Variants in EPB41L3 observed in about 807,000 individuals in gnomAD.
EPB41L3 encodes band 4.1-like protein 3.
Under a neutral mutation model 127.1 loss-of-function variants are expected in EPB41L3, and 57 were observed. The observed-to-expected ratio is 0.45, with a 90% confidence interval of 0.36 to 0.56. The LOEUF is 0.56. Ranked by LOEUF, EPB41L3 falls within the 20% of genes least tolerant of loss-of-function variation. The pLI, the probability that EPB41L3 is intolerant of heterozygous loss-of-function variation, is 0.00. For synonymous variants in EPB41L3, 572 were observed against 549.5 expected, an observed-to-expected ratio of 1.04 and a Z score of -0.57; for missense variants, 1,273 against 1,372.2, an observed-to-expected ratio of 0.93 and a Z score of 1.14.
chr18:5,529,182 T>C (rs935357025), intron 1 of EPB41L3, among the ~76,000 whole-genome samples: 4 of 152,210 alleles, frequency 2.6e-5, no homozygotes, highest in African/African-American at 9.7e-5. Flanking sequence ...GTTTAGTGCT[T>C]TAAGCTGAGC....
upstream of EPB41L3, among the ~76,000 whole-genome samples, chr18:5,545,193 C>T (rs924631899): frequency 6.6e-6 from 1 of 152,172 alleles, no homozygotes; most frequent in Non-Finnish European, 1.5e-5. Flanking sequence ...AGATCCCTTT[C>T]ATGTTGTACG....
At chr18:5,479,641 T>G (rs1163249420) in intron 2 of EPB41L3, 2 of 152,110 alleles carry the variant, frequency 1.3e-5, no homozygotes, top group East Asian at 3.9e-4. Context: ...CAAGGCAAAG[T>G]CTTGAGAACT....
intron 3 of EPB41L3, among the ~76,000 whole-genome samples, chr18:5,609,594 C>G (rs1364982934): frequency 1.3e-5 from 2 of 152,110 alleles, no homozygotes; most frequent in Non-Finnish European, 2.9e-5. Context: ...CTACTAAGGA[C>G]TAATTGAGCA....
In EPB41L3 at chr18:5,406,875, C is replaced by T. The variant is rs140941017; in HGVS notation, c.2251G>A (p.Val751Ile). Residue 751 changes from valine to isoleucine, a missense_variant, in exon 16 of 23, where the codon GTA becomes ATA. By Grantham distance (29) the Val-to-Ile change is conservative. Around this residue, in one of 3 missense-constraint regions of EPB41L3, gnomAD observed 765 missense variants for 782.9 expected, o/e 0.98. Coordinates refer to ENST00000341928, the MANE Select transcript of EPB41L3 (RefSeq NM_012307.5). The part of the protein sequence containing the change: ...TFLETSTDTA[V>I]TNEWEKRLST... ...AGCCTCTTCTCCCATTCATTCGTTA[C>T]GGCAGTGTCTGTTGAGGTTTCTAAG... 5.3e-5 allele frequency: 85 copies of T among 1,614,064 alleles called. No individual in the cohort carries two copies. Among genetic ancestry groups the T allele is most frequent in the South Asian group, 3.0e-4 (27 of 91,082 alleles).
At chr18:5,523,655 C>T (rs2148841181) in intron 1 of EPB41L3, among the ~76,000 whole-genome samples, 1 of 152,152 alleles carries the variant, frequency 6.6e-6, no homozygotes, top group East Asian at 1.9e-4. Flanking sequence ...CATGGTGGCA[C>T]ATACCTGTAA....
intron 3 of EPB41L3, among the ~76,000 whole-genome samples, chr18:5,573,303 C>T (rs1249911808): frequency 6.6e-6 from 1 of 152,156 alleles, no homozygotes; most frequent in Non-Finnish European, 1.5e-5. Context: ...ATATTTTCTA[C>T]CCACAGAAGT....
chr18:5,565,057 G>A (rs1009413099), intron 3 of EPB41L3, among the ~76,000 whole-genome samples: 1 of 152,130 alleles, frequency 6.6e-6, no homozygotes, highest in African/African-American at 2.4e-5. Flanking sequence ...GGAGCACACA[G>A]CTTCTCTCAA....
intron 1 of EPB41L3, among the ~76,000 whole-genome samples, chr18:5,619,610 G>T (rs2094837655): frequency 6.6e-6 from 1 of 152,118 alleles, no homozygotes; most frequent in South Asian, 2.1e-4. Flanking sequence ...AGGTCTAGTG[G>T]ACTTTTATCT....
chr18:5,433,696 A>G, intron 7 of EPB41L3, 140 bp from the exon 8 acceptor site: 1 of 902,146 alleles, frequency 1.1e-6, no homozygotes. Flanking sequence ...TAACAAGAAA[A>G]AGGGCTTTGC....
Position 5,443,750 on chromosome 18 carries a change from T to C in EPB41L3, c.529+88A>G, listed in dbSNP as rs80214506. 549 of 985,410 alleles carry C rather than the reference T, an allele frequency of 5.6e-4. 1 individual carries two copies. Among genetic ancestry groups the C allele is most frequent in the Middle Eastern group, 1.6e-3 (7 of 4,426 alleles). The allele number at this position is 985,410 out of a possible 1,614,324, so 61.0% of individuals were successfully genotyped here. Reference sequence around the variant, plus strand: ...AGATAAGAAAAGCTTGTATTCACACTAGCCACTTAGGTATGGGCTACCAAT... The same window carrying C: ...AGATAAGAAAAGCTTGTATTCACACCAGCCACTTAGGTATGGGCTACCAAT... On this transcript the variant is annotated intron_variant, in intron 5 of 22. Transcript: ENST00000341928.
chr18:5,453,300 C>G (rs1310261175), intron 3 of EPB41L3, among the ~76,000 whole-genome samples: 1 of 152,144 alleles, frequency 6.6e-6, no homozygotes, highest in Non-Finnish European at 1.5e-5. Context: ...GTACAGTTAT[C>G]TATCTGAAGC....
chr18:5,501,947 G>A (rs2091780509), intron 1 of EPB41L3, among the ~76,000 whole-genome samples: 1 of 152,202 alleles, frequency 6.6e-6, no homozygotes, highest in African/African-American at 2.4e-5. Context: ...CTGTGGGCCT[G>A]TAGCACTGAA....
At chr18:5,518,170 T>C (rs1162823855) in intron 1 of EPB41L3, among the ~76,000 whole-genome samples, 1 of 152,092 alleles carries the variant, frequency 6.6e-6, no homozygotes, top group Non-Finnish European at 1.5e-5. Context: ...AGGGAGACCA[T>C]GGCCTTTCAA....
chr18:5,446,548 A>G (rs780600182), intron 3 of EPB41L3, among the ~76,000 whole-genome samples: 1 of 152,234 alleles, frequency 6.6e-6, no homozygotes, highest in Non-Finnish European at 1.5e-5. Context: ...TGTAATACCA[A>G]TGAGAAATAT....
chr18:5,514,788 G>T (rs149840787), intron 1 of EPB41L3, among the ~76,000 whole-genome samples: 1 of 152,166 alleles, frequency 6.6e-6, no homozygotes, highest in African/African-American at 2.4e-5. Context: ...TTTCTGACAA[G>T]AAGGTGGGAT....
intron 3 of EPB41L3, among the ~76,000 whole-genome samples, chr18:5,446,041 C>T (rs966164294): frequency 1.3e-5 from 2 of 152,306 alleles, no homozygotes; most frequent in Non-Finnish European, 1.5e-5. Context: ...GAAGAATTAA[C>T]CCTGCTCCTT....
rs1442925401 is a variant in EPB41L3 at position 5,433,525 on chromosome 18, A to C, written c.856T>G (p.Phe286Val). The change falls in exon 8 of 23, where the codon TTC (phenylalanine) becomes GTC (valine). Residue 286 changes from phenylalanine to valine, a missense_variant. Physicochemically the swap from Phe to Val is conservative, Grantham distance 50. This residue lies in a region of EPB41L3 where 326 missense variants were observed against 440.2 expected (regional missense o/e 0.74). Transcript: ENST00000341928. ...GMTPAEAEMH[F>V]LENAKKLSMY... ...GATAATTTTTTGGCATTTTCCAAGA[A>C]ATGCATCTCTGCTTCTGCTGGCGTC... 6.2e-7 allele frequency: 1 copy of C among 1,613,410 alleles called. No individual in the cohort carries two copies. Among genetic ancestry groups the C allele is most frequent in the Admixed American group, 1.7e-5 (1 of 59,984 alleles).
intron 3 of EPB41L3, among the ~76,000 whole-genome samples, chr18:5,450,853 A>G (rs2146594455): frequency 6.6e-6 from 1 of 152,092 alleles, no homozygotes; most frequent in South Asian, 2.1e-4. Context: ...TTGCATCTTT[A>G]TGGTGTAATT....
intron 2 of EPB41L3, among the ~76,000 whole-genome samples, chr18:5,612,991 C>A (rs2094746593): frequency 6.6e-6 from 1 of 152,194 alleles, no homozygotes; most frequent in African/African-American, 2.4e-5. Flanking sequence ...TTATCCGCCT[C>A]AGCCTCCCAA....
Sources: gnomAD v4.1 joint callset for allele counts (sites outside exome capture counted in the v4.1 genomes callset) on GRCh38, gnomAD v4.1.1 for gene constraint, gnomAD v4.1.1 regional missense constraint, MANE v1.5 for transcripts, NCBI Gene and HGNC (gene_info 2026-07-23, HGNC 2026-07-21) for gene names.